The following CCBE1 variants were observed in gnomAD, a reference collection of about 807,000 sequenced individuals.
The protein encoded by CCBE1 is collagen and calcium-binding EGF domain-containing protein 1.
Under a neutral mutation model 50.0 loss-of-function variants are expected in CCBE1, and 37 were observed. The observed-to-expected ratio is 0.74, with a 90% CI of 0.57 to 0.97. CCBE1 has a LOEUF of 0.97. CCBE1 is among the 50% of genes least tolerant of loss of function. CCBE1 has a pLI of 0.00. For synonymous variants in CCBE1, 234 were observed against 203.7 expected (o/e 1.15, Z -1.27); for missense variants, 538 against 523.8 (o/e 1.03, Z -0.26).
chr18:59,546,358 C>T (rs190835326), intron 2 of CCBE1, among the ~76,000 whole-genome samples: 2 of 152,334 alleles, frequency 1.3e-5, no homozygotes, highest in South Asian at 2.1e-4. Flanking sequence ...TTATCACCTC[C>T]TACATTGGCT....
intron 2 of CCBE1, among the ~76,000 whole-genome samples, chr18:59,644,124 T>G (rs4940896): frequency 0.45 from 68,516 of 151,966 alleles, 17,094 homozygotes; most frequent in Non-Finnish European, 0.56. Context: ...CCGCCTTAGA[T>G]CATGAGGCAT....
chr18:59,480,438 T>G (rs948640702), intron 2 of CCBE1, among the ~76,000 whole-genome samples, 200 bp from the exon 3 acceptor site: 8 of 152,170 alleles, frequency 5.3e-5, no homozygotes, highest in African/African-American at 7.2e-5. Flanking sequence ...TACCGGGATA[T>G]TCTTTCTGCT....
At chr18:59,632,681 C>G (rs2144629303) in intron 2 of CCBE1, among the ~76,000 whole-genome samples, 1 of 152,222 alleles carries the variant, frequency 6.6e-6, no homozygotes, top group East Asian at 1.9e-4. Context: ...TTCCAACCTC[C>G]CAGGTTCAAG....
intron 3 of CCBE1, among the ~76,000 whole-genome samples, chr18:59,473,812 A>T (rs1912170668): frequency 5.1e-5 from 1 of 19,498 alleles, no homozygotes; most frequent in Non-Finnish European, 1.1e-4. Context: ...CCCTCCCACT[A>T]TTCCCCCCTA....
At chr18:59,687,864 G>T (rs1328436439) in intron 2 of CCBE1, among the ~76,000 whole-genome samples, 1 of 152,142 alleles carries the variant, frequency 6.6e-6, no homozygotes, top group East Asian at 1.9e-4. Flanking sequence ...TAGAGGCTGA[G>T]GCAGGAGAAT....
At chr18:59,484,190 G>A (rs1403139025) in intron 2 of CCBE1, among the ~76,000 whole-genome samples, 1 of 152,074 alleles carries the variant, frequency 6.6e-6, no homozygotes, top group African/African-American at 2.4e-5. Context: ...AAATTTTACG[G>A]TTATTCCTTA....
chr18:59,593,495 G>A (rs2144541638), intron 2 of CCBE1, among the ~76,000 whole-genome samples: 1 of 152,338 alleles, frequency 6.6e-6, no homozygotes, highest in South Asian at 2.1e-4. Flanking sequence ...TCTATCAGCT[G>A]TTTTAGATTA....
chr18:59,563,570 C>T (rs1300128982), intron 2 of CCBE1: 6 of 152,146 alleles, frequency 3.9e-5, no homozygotes, highest in Non-Finnish European at 5.9e-5. Flanking sequence ...AGGGCAAGGC[C>T]CCTGCTGGTA....
chr18:59,588,958 A>C (rs2053218506), intron 2 of CCBE1, among the ~76,000 whole-genome samples: 2 of 152,224 alleles, frequency 1.3e-5, no homozygotes, highest in South Asian at 4.1e-4. Context: ...GGGTAGCTTC[A>C]CAGTGATTTG....
chr18:59,577,495 C>T (rs2053016287), intron 2 of CCBE1, among the ~76,000 whole-genome samples: 1 of 152,222 alleles, frequency 6.6e-6, no homozygotes, highest in African/African-American at 2.4e-5. Flanking sequence ...CTACCCCAGA[C>T]ATATGAGATC....
chr18:59,508,930 G>A (rs1914010414), intron 2 of CCBE1, among the ~76,000 whole-genome samples: 2 of 152,134 alleles, frequency 1.3e-5, no homozygotes, highest in East Asian at 3.9e-4. Flanking sequence ...TATATTCAAG[G>A]CCAATAAGTG....
intron 2 of CCBE1, among the ~76,000 whole-genome samples, chr18:59,671,296 G>T (rs1186806441): frequency 6.6e-6 from 1 of 152,084 alleles, no homozygotes; most frequent in Non-Finnish European, 1.5e-5. Flanking sequence ...GAACTCAGGG[G>T]TGTGAGACCA....
chr18:59,448,295 T>A (rs1910777513), intron 6 of CCBE1, among the ~76,000 whole-genome samples, 192 bp from the exon 7 acceptor site: 1 of 152,052 alleles, frequency 6.6e-6, no homozygotes, highest in Non-Finnish European at 1.5e-5. Context: ...GCAAATAACT[T>A]GTATGACATT....
intron 2 of CCBE1, among the ~76,000 whole-genome samples, chr18:59,612,330 G>GAAAAAAAAAAAAAAA (rs5825351): frequency 3.1e-5 from 4 of 130,690 alleles, no homozygotes; most frequent in Non-Finnish European, 6.4e-5. Context: ...AGAAAAAAAA[G>GAAAAAAAAAAAAAAA]AAAAAAAAAA....
At chr18:59,458,752 T>C (rs1355113351) in intron 5 of CCBE1, among the ~76,000 whole-genome samples, 2 of 152,244 alleles carry the variant, frequency 1.3e-5, no homozygotes, top group Non-Finnish European at 2.9e-5. Flanking sequence ...GAGCTATCTG[T>C]CGGCCAGGCT....
intron 2 of CCBE1, among the ~76,000 whole-genome samples, chr18:59,552,828 T>C (rs1915976985): frequency 6.6e-6 from 1 of 152,234 alleles, no homozygotes; most frequent in Admixed American, 6.5e-5. Context: ...CTTATGTCTT[T>C]GAAATGAATG....
chr18:59,643,352 G>A (rs760482600), intron 2 of CCBE1, among the ~76,000 whole-genome samples: 2 of 152,144 alleles, frequency 1.3e-5, no homozygotes, highest in Non-Finnish European at 2.9e-5. Flanking sequence ...CAATTTAGTG[G>A]GACTTCAAAG....
At chr18:59,598,292 T>C (rs1042666033) in intron 2 of CCBE1, among the ~76,000 whole-genome samples, 3 of 152,216 alleles carry the variant, frequency 2.0e-5, no homozygotes, top group Non-Finnish European at 4.4e-5. Flanking sequence ...CCCACCTCTG[T>C]TGTGATACAG....
intron 2 of CCBE1, among the ~76,000 whole-genome samples, chr18:59,620,471 T>C (rs796998644): frequency 9.2e-5 from 14 of 152,298 alleles, no homozygotes; most frequent in African/African-American, 3.1e-4. Flanking sequence ...CATGAGATTG[T>C]TTATCCTAAT....
Sources: allele counts gnomAD v4.1 joint callset (sites outside exome capture counted in the v4.1 genomes callset), GRCh38; gene constraint gnomAD v4.1.1; transcripts MANE v1.5; gene names NCBI Gene and HGNC (gene_info 2026-07-23, HGNC 2026-07-21).